SCD: variants seen among roughly 807,000 people sequenced by gnomAD.
SCD encodes the protein acyl-CoA desaturase.
SCD carries 4 observed loss-of-function variants against 35.7 expected under a neutral mutation model. That is an observed-to-expected ratio of 0.11 (90% CI 0.06 to 0.26). The LOEUF (loss-of-function observed/expected upper bound fraction) is 0.26. Among genes scored for constraint, SCD ranks in the 10% least tolerant of loss-of-function variants. The probability of loss-of-function intolerance (pLI) is 1.00; values close to 1 mark genes in which losing one functional copy is unlikely to be tolerated. For synonymous variants in SCD, 150 were observed against 170.2 expected (o/e 0.88, Z 0.92); for missense variants, 282 against 460.7 (o/e 0.61, Z 3.55).
In SCD at chr10:100,356,885, C is replaced by T. The variant is rs1359281917; in HGVS notation, c.880+121C>T. 3 of 769,400 alleles carry T rather than the reference C, an allele frequency of 3.9e-6. No homozygotes were observed. Among genetic ancestry groups the T allele is most frequent in the African/African-American group, 3.5e-5 (2 of 57,034 alleles). 47.7% of individuals were successfully genotyped at this position (769,400 alleles called of 1,614,324 possible). On this transcript the variant is annotated intron_variant, in intron 5 of 5. Coordinates refer to ENST00000370355, the MANE Select transcript of SCD (RefSeq NM_005063.5). The surrounding 1 kb of genome is among the most constrained non-coding windows in gnomAD (Gnocchi z 4.1). ...GCTACTTTGTATCTCAGTTTTTCCA[C>T]TATAAAATTAGGGGGCAGTATACTG...
At chr10:100,358,821 A>G (rs201148962) in intron 5 of SCD, among the ~76,000 whole-genome samples, 1 of 148,652 alleles carries the variant, frequency 6.7e-6, no homozygotes, top group East Asian at 2.0e-4. Context: ...CCAGCTACTC[A>G]GGAGGCTGAG....
chr10:100,356,697 C>T lies in SCD; in HGVS notation c.813C>T (p.Phe271=), dbSNP rs758975192. 17 of 1,614,124 alleles carry T rather than the reference C, an allele frequency of 1.1e-5. No homozygotes were observed. The highest frequency in any genetic ancestry group is 8.8e-5 in the South Asian group (8 of 91,094). ...TGGTGAACAGTGCTGCCCACCTCTT[C>T]GGATATCGTCCTTATGACAAGAACA... The part of the protein sequence containing the change: ...TWLVNSAAHL[F]GYRPYDKNIS... The change falls in exon 5 of 6, where the codon TTC becomes TTT. Residue 271 remains phenylalanine, a synonymous_variant. Transcript: ENST00000370355. The surrounding 1 kb of genome is among the most constrained non-coding windows in gnomAD (Gnocchi z 4.1).
In SCD at chr10:100,356,917, G is replaced by A. The variant is rs969658967; in HGVS notation, c.880+153G>A. On this transcript the variant is annotated intron_variant, in intron 5 of 5. Transcript: ENST00000370355. The surrounding 1 kb of genome is among the most constrained non-coding windows in gnomAD (Gnocchi z 4.1). ...ATTAGGGGGCAGTATACTGGAAAAC[G>A]CTTTTGAGAGTCAGGCAACATGTTT... is the stretch of plus-strand genomic sequence containing the variant. Among the ~76,000 whole-genome samples the A allele has an allele frequency of 1.3e-5, 2 of 152,204 alleles. No individual in the cohort carries two copies. Among genetic ancestry groups the A allele is most frequent in the Admixed American group, 6.5e-5 (1 of 15,284 alleles).
intron 5 of SCD, among the ~76,000 whole-genome samples, chr10:100,359,143 C>G (rs781209521): frequency 2.0e-5 from 3 of 152,172 alleles, no homozygotes; most frequent in Non-Finnish European, 2.9e-5. Context: ...TTCCCCACCT[C>G]CAGCCTCTGG....
At position 100,352,619 on chromosome 10, in the gene SCD, T is replaced by A; in HGVS notation, c.441+123T>A. 1 of 909,190 alleles carries A rather than the reference T, an allele frequency of 1.1e-6. No individual in the cohort carries two copies. Among genetic ancestry groups the A allele is most frequent in the Non-Finnish European group, 1.7e-6 (1 of 583,440 alleles). The allele number at this position is 909,190 out of a possible 1,614,324, so 56.3% of individuals were successfully genotyped here. On this transcript the variant is annotated intron_variant, in intron 3 of 5. Transcript: ENST00000370355. The surrounding 1 kb of genome is among the most constrained non-coding windows in gnomAD (Gnocchi z 4.2). Reference sequence around the variant, plus strand: ...AGCCATTTCACTTTCCTCTCTCCTGTAGTCACCTCAAGTTCCAGTTCAGTC... The same window carrying A: ...AGCCATTTCACTTTCCTCTCTCCTGAAGTCACCTCAAGTTCCAGTTCAGTC...
At position 100,352,182 on chromosome 10, in the gene SCD, G is replaced by T. The variant is rs978949453; in HGVS notation, c.311-184G>T. Among the ~76,000 whole-genome samples the T allele has an allele frequency of 6.6e-6, 1 of 152,070 alleles. No individual in the cohort carries two copies. Among genetic ancestry groups the T allele is most frequent in the Non-Finnish European group, 1.5e-5 (1 of 68,018 alleles). ...CTTTTTTTCCTGGGTTGAGAGGTTGGGGGGTGATATTTTTCAAGTGGTAAA... is the reference window on the plus strand; with the variant it reads ...CTTTTTTTCCTGGGTTGAGAGGTTGTGGGGTGATATTTTTCAAGTGGTAAA... On this transcript the variant is annotated intron_variant, in intron 2 of 5. Coordinates refer to ENST00000370355, the MANE Select transcript of SCD (RefSeq NM_005063.5). The surrounding 1 kb of genome is among the most constrained non-coding windows in gnomAD (Gnocchi z 4.2).
At chr10:100,353,607 A>G (rs1849894869) in intron 3 of SCD, among the ~76,000 whole-genome samples, 1 of 150,898 alleles carries the variant, frequency 6.6e-6, no homozygotes, top group African/African-American at 2.4e-5. Flanking sequence ...AAAAGTTTAT[A>G]GCAAAGACAG....
intron 3 of SCD, among the ~76,000 whole-genome samples, chr10:100,353,606 T>G (rs965156016): frequency 6.7e-6 from 1 of 148,182 alleles, no homozygotes; most frequent in Non-Finnish European, 1.5e-5. Context: ...AAAAAGTTTA[T>G]AGCAAAGACA....
At chr10:100,348,397 C>G in intron 2 of SCD, 51 bp downstream of exon 2, 2 of 1,554,784 alleles carry the variant, frequency 1.3e-6, no homozygotes, top group Non-Finnish European at 8.8e-7. Context: ...ACTCACTGCT[C>G]TTTTAATAAG....
chr10:100,350,860 A>T (rs911363762), intron 2 of SCD, among the ~76,000 whole-genome samples: 3 of 152,168 alleles, frequency 2.0e-5, no homozygotes, highest in Non-Finnish European at 4.4e-5. Flanking sequence ...TTGAGGGCAG[A>T]TCACCTGGGG....
chr10:100,353,180 C>T (rs1849889554), intron 3 of SCD, among the ~76,000 whole-genome samples: 1 of 152,160 alleles, frequency 6.6e-6, no homozygotes, highest in African/African-American at 2.4e-5. Flanking sequence ...ACTATTATCC[C>T]CATTTTACAG....
rs1047141321 is a variant in SCD, at chr10:100,348,007, G to T, written c.28-57G>T. 19 of 1,544,214 alleles carry T rather than the reference G, an allele frequency of 1.2e-5. No individual in the cohort carries two copies. The African/African-American group carries it at 2.1e-4, about 17-fold the overall frequency. ...CCCAGCGTGATTAGAGAGCGGAGTG[G>T]CCCCAGCTGCCTCCACGTGTCTCTT... On this transcript the variant is annotated intron_variant, in intron 1 of 5. Coordinates refer to ENST00000370355, the MANE Select transcript of SCD (RefSeq NM_005063.5).
At position 100,352,121 on chromosome 10, in the gene SCD, TTC is replaced by T. The variant is rs2133593208; in HGVS notation, c.311-243_311-242del. 6.6e-6 allele frequency among the ~76,000 whole-genome samples: 1 copy of T among 152,288 alleles called. No homozygotes were observed. Among genetic ancestry groups the T allele is most frequent in the African/African-American group, 2.4e-5 (1 of 41,556 alleles). Reference sequence around the variant, plus strand: ...AAGAGCACTATTCTCTCTCCTGCCTTTCTGACTCCTTAGTTCCTGGGATTCTT... The same window carrying T: ...AAGAGCACTATTCTCTCTCCTGCCTTTGACTCCTTAGTTCCTGGGATTCTT... On this transcript the variant is annotated intron_variant, in intron 2 of 5. Transcript: ENST00000370355. This position sits in a 1 kb window ranked among gnomAD's most constrained non-coding sequence, Gnocchi z 4.2.
At chr10:100,360,478 C>G (rs183562674) in intron 5 of SCD, among the ~76,000 whole-genome samples, 1 of 152,172 alleles carries the variant, frequency 6.6e-6, no homozygotes, top group Non-Finnish European at 1.5e-5. Flanking sequence ...GACTGTAATC[C>G]TAGCACTTTG....
At chr10:100,355,255 A>G (rs1849916559) in intron 4 of SCD, among the ~76,000 whole-genome samples, 1 of 152,228 alleles carries the variant, frequency 6.6e-6, no homozygotes, top group African/African-American at 2.4e-5. Context: ...TGAGAGGTAC[A>G]AAGGGGAGGG....
chr10:100,348,078 T>C lies in SCD; in HGVS notation c.42T>C (p.Tyr14=), dbSNP rs768157896. Residue 14 remains tyrosine, a synonymous_variant, in exon 2 of 6, where the codon TAT becomes TAC. Transcript: ENST00000370355. ...HLLQDDISSS[Y]TTTTTITAPP... ...CCCCCTTCCAGATCTCTAGCTCCTA[T>C]ACCACCACCACCACCATTACAGCGC... 4 of 1,613,330 alleles carry C rather than the reference T, an allele frequency of 2.5e-6. No homozygotes were observed. Among genetic ancestry groups the C allele is most frequent in the Admixed American group, 3.3e-5 (2 of 59,946 alleles).
chr10:100,347,237 A>T lies in SCD; in HGVS notation c.-268A>T. ...CCACGCGGGACCGCCCGCGCCAGTC[A>T]ACTCCTCGCACTTTGCCCCTGCTTG... On this transcript the variant is annotated 5_prime_UTR_variant, in exon 1 of 6. Transcript: ENST00000370355. The T allele has an allele frequency of 1.9e-6, 1 of 533,346 alleles. No homozygotes were observed. The highest frequency in any genetic ancestry group is 2.0e-5 in the African/African-American group (1 of 49,920). The allele number at this position is 533,346 out of a possible 1,614,324, so 33.0% of individuals were successfully genotyped here. A position where few individuals can be genotyped will look rare whatever the true frequency, so the allele number is the denominator to read the frequency against.
chr10:100,360,631 C>T (rs1849980555), intron 5 of SCD, 103 bp from the exon 6 acceptor site: 7 of 881,050 alleles, frequency 7.9e-6, no homozygotes, highest in Non-Finnish European at 1.1e-5. Context: ...TCAACAATAG[C>T]GAGTTTCTCC....
intron 2 of SCD, 37 bp downstream of exon 2, chr10:100,348,383 A>G: frequency 3.2e-6 from 5 of 1,587,042 alleles, no homozygotes; most frequent in Non-Finnish European, 3.4e-6. Flanking sequence ...CTAGTCCTCC[A>G]GGTACTCACT....
Sources: allele counts gnomAD v4.1 joint callset (sites outside exome capture counted in the v4.1 genomes callset), GRCh38; gene constraint gnomAD v4.1.1; non-coding constraint Gnocchi (gnomAD v3.1); transcripts MANE v1.5; gene names NCBI Gene and HGNC (gene_info 2026-07-23, HGNC 2026-07-21).